The following MORN5 variants were observed in gnomAD, a reference collection of about 807,000 sequenced individuals.
MORN5 encodes the protein MORN repeat containing 5, also known as MORN repeat-containing protein 5.
Under a neutral mutation model 22.1 loss-of-function variants are expected in MORN5, and 21 were observed. That is an observed-to-expected ratio of 0.95 (90% CI 0.67 to 1.37). The LOEUF (loss-of-function observed/expected upper bound fraction) is 1.37. MORN5 is among the 40% of genes most tolerant of loss of function. The pLI is 0.00. For missense variants in MORN5, 211 were observed against 215.1 expected (o/e 0.98, Z 0.12); for synonymous variants, 73 against 74.0 (o/e 0.99, Z 0.07).
intron 4 of MORN5, among the ~76,000 whole-genome samples, chr9:122,177,135 G>C (rs1002369112): frequency 1.3e-5 from 2 of 152,246 alleles, no homozygotes; most frequent in African/African-American, 4.8e-5. Context: ...TCAGAGCAGG[G>C]CTTCTGCAGA....
intron 4 of MORN5, among the ~76,000 whole-genome samples, chr9:122,195,764 C>T (rs940125011): frequency 3.3e-5 from 5 of 152,178 alleles, no homozygotes; most frequent in Non-Finnish European, 7.3e-5. Context: ...TTGAAAGTCA[C>T]TATGCACAGC....
Position 122,169,760 on chromosome 9 carries a change from C to T in MORN5, c.307+4C>T. 1.9e-6 allele frequency: 3 copies of T among 1,580,146 alleles called. No homozygotes were observed. Among genetic ancestry groups the T allele is most frequent in the Non-Finnish European group, 2.6e-6 (3 of 1,148,892 alleles). On this transcript the variant is annotated splice_donor_region_variant and intron_variant, in intron 3 of 4. Coordinates refer to ENST00000373764, the MANE Select transcript of MORN5 (RefSeq NM_198469.4). The stretch of plus-strand genomic sequence containing the variant: ...CTCAATGGCTTGAAGCCTGCAGGTA[C>T]CCAGGCACCCACCCTTTCCTTCATA...
intron 4 of MORN5, among the ~76,000 whole-genome samples, chr9:122,195,498 C>T (rs577191804): frequency 2.0e-5 from 3 of 152,160 alleles, no homozygotes; most frequent in East Asian, 3.9e-4. Flanking sequence ...TGGGGAGTAT[C>T]GGTCAGATAT....
rs1310491980 is a variant in MORN5 at position 122,166,858 on chromosome 9, G to C, written c.138G>C (p.Leu46=). 7 of 1,613,836 alleles carry C rather than the reference G, an allele frequency of 4.3e-6. No homozygotes were observed. The highest frequency in any genetic ancestry group is 5.9e-6 in the Non-Finnish European group (7 of 1,179,954). ...GCATGTTTCACGGCGAGGGAACCCT[G>C]TACTTCCCCAGCGGAAGCCAATACG... ...KDGMFHGEGT[L]YFPSGSQYDA... is the part of the protein sequence containing the mutation. Residue 46 remains leucine (L), a synonymous_variant, in exon 2 of 5, where the codon CTG becomes CTC. Coordinates refer to ENST00000373764, the MANE Select transcript of MORN5 (RefSeq NM_198469.4).
rs1019643129 is a variant in MORN5, at chr9:122,197,078, C to T, written c.440-2807C>T. Reference sequence around the variant, plus strand: ...CCTTTTTCCTGATTCTAAATAGTTCCGAGACAAATAGATTATCCCTTTAAG... The same window carrying T: ...CCTTTTTCCTGATTCTAAATAGTTCTGAGACAAATAGATTATCCCTTTAAG... On this transcript the variant is annotated intron_variant, in intron 4 of 4. Coordinates refer to ENST00000373764, the MANE Select transcript of MORN5 (RefSeq NM_198469.4). This position sits in a 1 kb window ranked among gnomAD's most constrained non-coding sequence, Gnocchi z 5.7. Among the ~76,000 whole-genome samples the T allele has an allele frequency of 2.6e-5, 4 of 152,018 alleles. No individual in the cohort carries two copies. The highest frequency in any genetic ancestry group is 5.9e-5 in the Non-Finnish European group (4 of 68,022).
At chr9:122,172,877 G>A (rs10985557) in intron 3 of MORN5, among the ~76,000 whole-genome samples, 74,921 of 152,052 alleles carry the variant, frequency 0.49, 19,089 homozygotes, top group Middle Eastern at 0.56. Flanking sequence ...TATGTCAGAC[G>A]CTGGCTGGAC....
chr9:122,178,186 C>T (rs1025028413), intron 4 of MORN5, among the ~76,000 whole-genome samples: 8 of 152,152 alleles, frequency 5.3e-5, no homozygotes, highest in East Asian at 1.9e-4. Context: ...ACAGCAAGAC[C>T]TTATCTCTTA....
In MORN5 at chr9:122,178,688, A is replaced by G. The variant is rs554323333; in HGVS notation, c.439+4061A>G. Among the ~76,000 whole-genome samples, 5 of 152,274 alleles carry G rather than the reference A, an allele frequency of 3.3e-5. No individual in the cohort carries two copies. The East Asian group carries it at 9.6e-4, about 29-fold the overall frequency. ...TTCATCCCAGGTTCCATTTGCCTTG[A>G]GCCCACCCTTCCATTGTTCTGGCTT... On this transcript the variant is annotated intron_variant, in intron 4 of 4. Coordinates refer to ENST00000373764, the MANE Select transcript of MORN5 (RefSeq NM_198469.4).
At chr9:122,167,347 C>A (rs1360188042) in intron 2 of MORN5, among the ~76,000 whole-genome samples, 1 of 138,830 alleles carries the variant, frequency 7.2e-6, no homozygotes, top group Non-Finnish European at 1.6e-5. Context: ...AGCCACCGCA[C>A]CTGACCTTTT....
intron 4 of MORN5, among the ~76,000 whole-genome samples, chr9:122,190,395 T>C (rs939927791): frequency 1.3e-5 from 2 of 152,264 alleles, no homozygotes; most frequent in East Asian, 1.9e-4. Context: ...CTGAGAGTCA[T>C]GCATACTGGA....
chr9:122,178,233 A>G (rs1264403108), intron 4 of MORN5, among the ~76,000 whole-genome samples: 1 of 152,190 alleles, frequency 6.6e-6, no homozygotes, highest in Admixed American at 6.5e-5. Context: ...TCCCACCTGT[A>G]AACCTAGCAC....
At chr9:122,173,208 T>G (rs1212044646) in intron 3 of MORN5, among the ~76,000 whole-genome samples, 1 of 152,216 alleles carries the variant, frequency 6.6e-6, no homozygotes, top group African/African-American at 2.4e-5. Context: ...AGCAGCTTGA[T>G]TCTAAGTAGC....
chr9:122,167,192 C>T (rs981664294), intron 2 of MORN5, among the ~76,000 whole-genome samples: 9 of 149,760 alleles, frequency 6.0e-5, no homozygotes, highest in Admixed American at 4.0e-4. Context: ...GGACTACGGG[C>T]GTGCACCACC....
chr9:122,169,517 A>G, intron 2 of MORN5, 128 bp from the exon 3 acceptor site: 1 of 660,972 alleles, frequency 1.5e-6, no homozygotes, highest in South Asian at 1.8e-5. Flanking sequence ...CACAACCATA[A>G]TAATTGTGAT....
chr9:122,179,204 C>A (rs1197679010), intron 4 of MORN5, among the ~76,000 whole-genome samples: 2 of 152,078 alleles, frequency 1.3e-5, no homozygotes, highest in African/African-American at 4.8e-5. Flanking sequence ...GGGGCATGAG[C>A]TAACAGTATG....
In MORN5 at chr9:122,194,884, G is replaced by A. The variant is rs561614300; in HGVS notation, c.440-5001G>A. On this transcript the variant is annotated intron_variant, in intron 4 of 4. Transcript: ENST00000373764. ...AAAATACAAAAATTAGCCAGGTGTG[G>A]TGGCACGGGCCTGTGATCCCAGCTA... Among the ~76,000 whole-genome samples, 46 of 152,216 alleles carry A rather than the reference G, an allele frequency of 3.0e-4. 1 individual carries two copies. In the South Asian group the frequency reaches 9.5e-3, roughly 32 times the overall value.
intron 4 of MORN5, among the ~76,000 whole-genome samples, chr9:122,188,803 G>A (rs1482618528): frequency 6.6e-6 from 1 of 152,232 alleles, no homozygotes; most frequent in Non-Finnish European, 1.5e-5. Context: ...CAGCACACAT[G>A]CGTTCTGCAG....
chr9:122,181,349 A>C (rs1351672513), intron 4 of MORN5, among the ~76,000 whole-genome samples: 1 of 152,094 alleles, frequency 6.6e-6, no homozygotes, highest in African/African-American at 2.4e-5. Context: ...GCATCCAGTG[A>C]GCTGGGAATG....
chr9:122,184,269 G>T (rs1829578204), intron 4 of MORN5, among the ~76,000 whole-genome samples: 1 of 152,148 alleles, frequency 6.6e-6, no homozygotes, highest in Non-Finnish European at 1.5e-5. Flanking sequence ...TTCCATTTCT[G>T]GCCAGCTCCA....
Sources: gnomAD v4.1 joint callset for allele counts (sites outside exome capture counted in the v4.1 genomes callset) on GRCh38, gnomAD v4.1.1 for gene constraint, Gnocchi (gnomAD v3.1) non-coding constraint, MANE v1.5 for transcripts, NCBI Gene and HGNC (gene_info 2026-07-23, HGNC 2026-07-21) for gene names.